Variants in INPP4B observed in about 807,000 individuals in gnomAD.
The protein encoded by INPP4B is inositol polyphosphate 4-phosphatase type II.
INPP4B carries 55 observed loss-of-function variants against 122.5 expected under a neutral mutation model. The ratio of observed to expected loss-of-function variants is 0.45; its 90% confidence interval spans 0.36 to 0.56. The LOEUF is 0.56. Among genes scored for constraint, INPP4B ranks in the 20% least tolerant of loss-of-function variants. The pLI, the probability that INPP4B is intolerant of heterozygous loss-of-function variation, is 0.00. For missense variants in INPP4B, 1,000 were observed against 1,097.7 expected (o/e 0.91, Z 1.26); for synonymous variants, 403 against 388.7 (o/e 1.04, Z -0.43).
chr4:142,653,264 A>G lies in INPP4B; in HGVS notation c.-191+72575T>C, dbSNP rs147275900. On this transcript the variant is annotated intron_variant, in intron 2 of 25. Transcript: ENST00000262992. ...CTTAAATGTTACACCTAAAGCCATA[A>G]AAACCCTAGAAGAAAACCTAGGCAA... Among the ~76,000 whole-genome samples the G allele has an allele frequency of 8.9e-3, 1,351 of 152,342 alleles. 25 individuals are homozygous for G. The highest frequency in any genetic ancestry group is 0.031 in the African/African-American group (1,281 of 41,572).
At chr4:142,423,968 G>A (rs1267559238) in intron 5 of INPP4B, among the ~76,000 whole-genome samples, 1 of 151,908 alleles carries the variant, frequency 6.6e-6, no homozygotes, top group East Asian at 1.9e-4. Context: ...TCTATATGTA[G>A]CTTGTATAAT....
intron 25 of INPP4B, among the ~76,000 whole-genome samples, chr4:142,031,137 C>G (rs1001587466): frequency 6.6e-6 from 1 of 152,050 alleles, no homozygotes; most frequent in Non-Finnish European, 1.5e-5. Context: ...CTGAAATATA[C>G]CATATTGATA....
chr4:142,142,990 G>C (rs1456536158), intron 18 of INPP4B, among the ~76,000 whole-genome samples: 1 of 151,992 alleles, frequency 6.6e-6, no homozygotes, highest in Admixed American at 6.6e-5. Flanking sequence ...ACCTATGAAG[G>C]AGAAGAGTTG....
intron 1 of INPP4B, among the ~76,000 whole-genome samples, chr4:142,752,023 C>A (rs1022979171): frequency 6.6e-6 from 1 of 151,972 alleles, no homozygotes; most frequent in Non-Finnish European, 1.5e-5. Context: ...ACATATAATT[C>A]TATTTTATTT....
intron 1 of INPP4B, among the ~76,000 whole-genome samples, chr4:142,742,705 G>C (rs1207454159): frequency 6.6e-6 from 1 of 151,904 alleles, no homozygotes; most frequent in East Asian, 1.9e-4. Context: ...AGATTTTGGG[G>C]CAGAAAGAAA....
chr4:142,431,082 T>C (rs1809199960), intron 4 of INPP4B, 87 bp downstream of exon 4: 1 of 910,452 alleles, frequency 1.1e-6, no homozygotes, highest in South Asian at 1.5e-5. Flanking sequence ...CCTATGAATC[T>C]ATGAATGCAT....
At chr4:142,351,905 A>G (rs1437983410) in intron 7 of INPP4B, among the ~76,000 whole-genome samples, 5 of 152,048 alleles carry the variant, frequency 3.3e-5, no homozygotes, top group African/African-American at 1.2e-4. Context: ...TTGTGAGCTC[A>G]TTATTTCCTA....
chr4:142,494,474 T>G (rs1427559588), intron 2 of INPP4B, among the ~76,000 whole-genome samples: 1 of 152,198 alleles, frequency 6.6e-6, no homozygotes, highest in African/African-American at 2.4e-5. Context: ...ACTATTATTC[T>G]CTTCAGCTAG....
At chr4:142,160,004 A>G (rs1445612133) in intron 17 of INPP4B, among the ~76,000 whole-genome samples, 1 of 152,094 alleles carries the variant, frequency 6.6e-6, no homozygotes, top group African/African-American at 2.4e-5. Context: ...TACTTGTTGC[A>G]TCTAAGTAGT....
At position 142,081,304 on chromosome 4, in the gene INPP4B, C is replaced by T. The variant is rs547158173; in HGVS notation, c.2642+727G>A. Among the ~76,000 whole-genome samples the T allele has an allele frequency of 2.4e-3, 360 of 152,236 alleles. 2 individuals carry two copies. Among genetic ancestry groups the T allele is most frequent in the African/African-American group, 8.3e-3 (346 of 41,564 alleles). On this transcript the variant is annotated intron_variant, in intron 25 of 25. Transcript: ENST00000262992. ...AGGCTTTGCAGCAAAGAGACAATTT[C>T]GCTTAACTTTTTAATTAACGTGTGT...
chr4:142,665,296 T>C (rs1176918452), intron 2 of INPP4B, among the ~76,000 whole-genome samples: 1 of 151,992 alleles, frequency 6.6e-6, no homozygotes, highest in Non-Finnish European at 1.5e-5. Context: ...ATGGAGACCA[T>C]CCTTGCTAAC....
chr4:142,657,919 C>T (rs115920803), intron 2 of INPP4B, among the ~76,000 whole-genome samples: 262 of 152,214 alleles, frequency 1.7e-3, no homozygotes, highest in African/African-American at 6.2e-3. Context: ...TCAATTACTT[C>T]GGAAGGCCCC....
intron 3 of INPP4B, among the ~76,000 whole-genome samples, chr4:142,452,077 CT>C (rs1016366216): frequency 9.9e-5 from 15 of 152,256 alleles, no homozygotes; most frequent in African/African-American, 3.4e-4. Context: ...CGACAGGCCT[CT>C]GTGTGTGATT....
At chr4:142,715,225 T>C (rs1479643600) in intron 2 of INPP4B, among the ~76,000 whole-genome samples, 1 of 152,224 alleles carries the variant, frequency 6.6e-6, no homozygotes, top group Non-Finnish European at 1.5e-5. Flanking sequence ...ATTGGAGCAG[T>C]ATCATCTAAT....
At chr4:142,324,432 C>T (rs1202075059) in intron 7 of INPP4B, among the ~76,000 whole-genome samples, 2 of 152,100 alleles carry the variant, frequency 1.3e-5, no homozygotes, top group South Asian at 2.1e-4. Context: ...TTCCACTATA[C>T]TTCTTTAACA....
At chr4:142,587,957 T>C (rs1201017816) in intron 2 of INPP4B, among the ~76,000 whole-genome samples, 1 of 151,978 alleles carries the variant, frequency 6.6e-6, no homozygotes, top group Non-Finnish European at 1.5e-5. Context: ...TAGAATATCA[T>C]ATCTAACTAT....
chr4:142,372,897 T>A (rs755026713), intron 7 of INPP4B, among the ~76,000 whole-genome samples: 5 of 152,034 alleles, frequency 3.3e-5, no homozygotes, highest in Non-Finnish European at 5.9e-5. Context: ...GGAATTCATA[T>A]GATTAAGCAC....
intron 2 of INPP4B, among the ~76,000 whole-genome samples, chr4:142,675,494 T>C (rs1757626406): frequency 6.6e-6 from 1 of 152,186 alleles, no homozygotes; most frequent in Admixed American, 6.5e-5. Flanking sequence ...CCATAATTCA[T>C]TTTATGAGGC....
chr4:142,160,488 G>A lies in INPP4B; in HGVS notation c.1433C>T (p.Pro478Leu), dbSNP rs757066815. Residue 478 changes from proline to leucine, a missense_variant, in exon 17 of 26, where the codon CCA becomes CTA. Transcript: ENST00000262992. The part of the protein sequence containing the change: ...SALLALYTAR[P>L]GGILKKPPSP... ...GGGTGGCTTCTTAAGAATGCCTCCT[G>A]GCCTTGCAGTGTAGAGTGCTAAAAG... 21 of 1,612,450 alleles carry A rather than the reference G, an allele frequency of 1.3e-5. No individual in the cohort carries two copies. Among genetic ancestry groups the A allele is most frequent in the Middle Eastern group, 1.7e-4 (1 of 6,048 alleles).
Sources: allele counts gnomAD v4.1 joint callset (sites outside exome capture counted in the v4.1 genomes callset), GRCh38; gene constraint gnomAD v4.1.1; transcripts MANE v1.5; gene names NCBI Gene and HGNC (gene_info 2026-07-23, HGNC 2026-07-21).